CHD6: variants seen among roughly 807,000 people sequenced by gnomAD.
CHD6 encodes chromodomain helicase DNA binding protein 6.
CHD6 carries 50 observed loss-of-function variants against 276.9 expected under a neutral mutation model. The observed-to-expected ratio is 0.18, with a 90% CI of 0.14 to 0.23. The LOEUF (loss-of-function observed/expected upper bound fraction) is 0.23, where lower values mean the gene tolerates loss of function less well. Among genes scored for constraint, CHD6 ranks in the 10% least tolerant of loss-of-function variants. The pLI, the probability that CHD6 is intolerant of heterozygous loss-of-function variation, is 1.00. For synonymous variants in CHD6, 1,173 were observed against 1,229.3 expected, an observed-to-expected ratio of 0.95 and a Z score of 0.96; for missense variants, 2,564 against 3,365.8, an observed-to-expected ratio of 0.76 and a Z score of 5.89.
chr20:41,441,017 C>T (rs1420341771), intron 25 of CHD6, among the ~76,000 whole-genome samples: 1 of 152,152 alleles, frequency 6.6e-6, no homozygotes, highest in Admixed American at 6.5e-5. Context: ...GGTTCTTTTC[C>T]CTGAGGAGCT....
chr20:41,445,882 G>GGTTA, intron 24 of CHD6, 114 bp from the exon 25 acceptor site: 1 of 637,122 alleles, frequency 1.6e-6, no homozygotes, highest in Non-Finnish European at 2.9e-6. Flanking sequence ...TAAACAAAAG[G>GGTTA]GTTAGGAAGG....
At chr20:41,559,306 C>T (rs1401169174) in intron 1 of CHD6, among the ~76,000 whole-genome samples, 2 of 152,264 alleles carry the variant, frequency 1.3e-5, no homozygotes, top group East Asian at 3.9e-4. Flanking sequence ...CACTAAATGT[C>T]TCCCTTTGTA....
intron 1 of CHD6, among the ~76,000 whole-genome samples, chr20:41,580,031 A>G (rs1342566388): frequency 6.6e-6 from 1 of 152,208 alleles, no homozygotes; most frequent in Non-Finnish European, 1.5e-5. Flanking sequence ...GTATCAGTGT[A>G]GTTAAAACAT....
Position 41,527,496 on chromosome 20 carries a change from T to C in CHD6, c.554+5554A>G, listed in dbSNP as rs16985888. 7.5e-3 allele frequency among the ~76,000 whole-genome samples: 1,148 copies of C among 152,090 alleles called. 18 individuals are homozygous for C. Among genetic ancestry groups the C allele is most frequent in the African/African-American group, 0.026 (1,085 of 41,496 alleles). The stretch of plus-strand genomic sequence containing the variant: ...TGTGAGAAAGGGCAACCTAAAGAGC[T>C]GGCTACAGACCTACTCCTCAGATAC... On this transcript the variant is annotated intron_variant, in intron 3 of 36. Coordinates refer to ENST00000373233, the MANE Select transcript of CHD6 (RefSeq NM_032221.5).
At chr20:41,571,749 A>C (rs2045419961) in intron 1 of CHD6, among the ~76,000 whole-genome samples, 1 of 152,064 alleles carries the variant, frequency 6.6e-6, no homozygotes, top group South Asian at 2.1e-4. Flanking sequence ...TCTATTCTAG[A>C]CTGGATCTTG....
intron 8 of CHD6, chr20:41,497,177 A>G (rs1601009836): frequency 1.9e-6 from 1 of 538,842 alleles, no homozygotes; most frequent in East Asian, 3.2e-5. Context: ...ATGAGTTGTC[A>G]GTTTATAAGG....
intron 8 of CHD6, among the ~76,000 whole-genome samples, chr20:41,495,239 G>A (rs1375749045): frequency 6.6e-6 from 1 of 152,130 alleles, no homozygotes; most frequent in African/African-American, 2.4e-5. Flanking sequence ...TAAAGAAAGT[G>A]GGGTGTATAT....
At chr20:41,523,637 T>C (rs990979613) in intron 3 of CHD6, among the ~76,000 whole-genome samples, 26 of 151,484 alleles carry the variant, frequency 1.7e-4, no homozygotes, top group African/African-American at 6.1e-4. Context: ...AAAAAACGTG[T>C]TTTTTGTTTT....
intron 36 of CHD6, among the ~76,000 whole-genome samples, chr20:41,410,298 T>G (rs2145389162): frequency 6.6e-6 from 1 of 152,212 alleles, no homozygotes; most frequent in East Asian, 1.9e-4. Context: ...GGCTGTCCCT[T>G]CCTCCATGCG....
chr20:41,551,313 C>T lies in CHD6; in HGVS notation c.25G>A (p.Glu9Lys). Residue 9 changes from glutamate (E) to lysine (K), a missense_variant, in exon 2 of 37, where the codon GAG (glutamate) becomes AAG (lysine). Transcript: ENST00000373233. ...GAAAAGTGATCACTTACCTGCTTCTCTTTTTTCTGTATTTTCATTTTCATC... is the reference window on the plus strand; with the variant it reads ...GAAAAGTGATCACTTACCTGCTTCTTTTTTTTCTGTATTTTCATTTTCATC... Reference protein sequence around the residue: MKMKIQKKEKQLSNLKVLN... With the variant: MKMKIQKKKKQLSNLKVLN... The T allele has an allele frequency of 6.7e-7, 1 of 1,492,332 alleles. No individual in the cohort carries two copies. The highest frequency in any genetic ancestry group is 9.3e-7 in the Non-Finnish European group (1 of 1,078,420). 92.4% of individuals were successfully genotyped at this position (1,492,332 alleles called of 1,614,324 possible). A position where few individuals can be genotyped will look rare whatever the true frequency, so the allele number is the denominator to read the frequency against.
At chr20:41,605,810 A>G (rs1326719131) in intron 1 of CHD6, among the ~76,000 whole-genome samples, 3 of 152,214 alleles carry the variant, frequency 2.0e-5, no homozygotes, top group African/African-American at 7.2e-5. Flanking sequence ...AGAAGATTCT[A>G]TTTAATAACA....
chr20:41,451,754 G>T, intron 22 of CHD6, 72 bp downstream of exon 22: 1 of 1,304,248 alleles, frequency 7.7e-7, no homozygotes, highest in African/African-American at 1.5e-5. Context: ...ACAGCAATAC[G>T]GCCCCGCAGA....
chr20:41,423,247 A>G (rs1253446054), intron 30 of CHD6, among the ~76,000 whole-genome samples: 1 of 152,176 alleles, frequency 6.6e-6, no homozygotes, highest in Non-Finnish European at 1.5e-5. Flanking sequence ...CAGTCTTCCA[A>G]TATTTCTGTG....
At chr20:41,457,169 G>A (rs1180927486) in intron 18 of CHD6, 95 bp downstream of exon 18, 25 of 1,429,998 alleles carry the variant, frequency 1.7e-5, no homozygotes, top group East Asian at 4.7e-5. Flanking sequence ...TCAATGCAGC[G>A]AAAGTGAACC....
intron 5 of CHD6, among the ~76,000 whole-genome samples, chr20:41,511,752 G>C (rs1254302127): frequency 6.6e-6 from 1 of 152,042 alleles, no homozygotes; most frequent in Admixed American, 6.6e-5. Context: ...TCAGTTTCTG[G>C]GGTTTTATAA....
At chr20:41,497,105 T>C (rs900221881) in intron 8 of CHD6, 8 of 324,952 alleles carry the variant, frequency 2.5e-5, no homozygotes, top group Non-Finnish European at 4.7e-5. Flanking sequence ...GACAAAAGAA[T>C]TGTGTGCGTA....
intron 27 of CHD6, among the ~76,000 whole-genome samples, chr20:41,431,776 C>CT (rs61227802): frequency 0.042 from 4,364 of 104,778 alleles, 320 homozygotes; most frequent in Non-Finnish European, 0.059. Flanking sequence ...AAAAAACATG[C>CT]TTTTTTTTTT....
At chr20:41,556,294 G>A (rs977801936) in intron 1 of CHD6, among the ~76,000 whole-genome samples, 14 of 147,498 alleles carry the variant, frequency 9.5e-5, no homozygotes, top group Admixed American at 8.0e-4. Context: ...GGGAGAGGGA[G>A]ACCGTGGGGA....
At position 41,420,915 on chromosome 20, in the gene CHD6, C is replaced by T; in HGVS notation, c.5720G>A (p.Gly1907Asp). The change falls in exon 31 of 37, where the codon GGC (glycine) becomes GAC (aspartate). Residue 1907 changes from glycine (G) to aspartate (D), a missense_variant. Gly to Asp is a moderately conservative substitution (Grantham distance 94). This residue lies in a region of CHD6 where 1,024 missense variants were observed against 1,047.9 expected (regional missense o/e 0.98). Transcript: ENST00000373233. Reference protein sequence around the residue: ...TTNISREKNQGFQDETKKGSL... With the variant: ...TTNISREKNQDFQDETKKGSL... ...TCCTTTCTTGGTTTCATCTTGGAAG[C>T]CTTGGTTCTTTTCCCTTGAGATGTT... 6.2e-7 allele frequency: 1 copy of T among 1,614,168 alleles called. No individual in the cohort carries two copies. The highest frequency in any genetic ancestry group is 1.3e-5 in the African/African-American group (1 of 75,032).
Sources: allele counts gnomAD v4.1 joint callset (sites outside exome capture counted in the v4.1 genomes callset), GRCh38; gene constraint gnomAD v4.1.1; regional missense constraint gnomAD v4.1.1; transcripts MANE v1.5; gene names NCBI Gene and HGNC (gene_info 2026-07-23, HGNC 2026-07-21).